The following WT1 variants were observed in gnomAD, a reference collection of about 807,000 sequenced individuals.
The protein encoded by WT1 is Wilms tumor protein.
Under a neutral mutation model 60.8 loss-of-function variants are expected in WT1, and 8 were observed. The ratio of observed to expected loss-of-function variants is 0.13; its 90% confidence interval spans 0.08 to 0.24. WT1 has a LOEUF of 0.24. Among genes scored for constraint, WT1 ranks in the 10% least tolerant of loss-of-function variants. The pLI, the probability that WT1 is intolerant of heterozygous loss-of-function variation, is 1.00. For synonymous variants in WT1, 312 were observed against 297.1 expected (o/e 1.05, Z -0.52); for missense variants, 568 against 711.8 (o/e 0.80, Z 2.30).
intron 5 of WT1, among the ~76,000 whole-genome samples, chr11:32,411,937 T>C (rs1470344163): frequency 6.6e-6 from 1 of 152,194 alleles, no homozygotes; most frequent in Non-Finnish European, 1.5e-5. Context: ...GGAAAATTAA[T>C]AACTTGTTGC....
rs556628301 is a variant in WT1 at position 32,425,497 on chromosome 11, G to A, written c.887+2459C>T. On this transcript the variant is annotated intron_variant, in intron 3 of 9. Coordinates refer to ENST00000452863, the MANE Select transcript of WT1 (RefSeq NM_024426.6). Reference sequence around the variant, plus strand: ...CAAACTTGTTTAGGAGTAGGAAAGAGGGAAACCATATAACTGTAGTAATGT... The same window carrying A: ...CAAACTTGTTTAGGAGTAGGAAAGAAGGAAACCATATAACTGTAGTAATGT... Among the ~76,000 whole-genome samples the A allele has an allele frequency of 1.3e-3, 196 of 152,328 alleles. 1 individual carries two copies. The highest frequency in any genetic ancestry group is 4.2e-3 in the African/African-American group (173 of 41,566).
intron 5 of WT1, chr11:32,400,277 T>C (rs1852115244): frequency 3.3e-6 from 2 of 604,736 alleles, no homozygotes; most frequent in Non-Finnish European, 6.0e-6. Flanking sequence ...CTCGTAGGCG[T>C]GCACCGTCAC....
chr11:32,389,516 G>C (rs533175047), intron 9 of WT1, among the ~76,000 whole-genome samples: 1 of 152,218 alleles, frequency 6.6e-6, no homozygotes, highest in African/African-American at 2.4e-5. Context: ...AATGTTTTGT[G>C]AACTGTGTAA....
intron 2 of WT1, 135 bp downstream of exon 2, chr11:32,428,362 C>T: frequency 1.4e-6 from 2 of 1,453,528 alleles, no homozygotes; most frequent in Admixed American, 3.9e-5. Context: ...AATACAGTGC[C>T]ATTGGGGTAA....
chr11:32,410,413 A>T (rs1852460017), intron 5 of WT1, among the ~76,000 whole-genome samples: 1 of 152,242 alleles, frequency 6.6e-6, no homozygotes, highest in Admixed American at 6.5e-5. Context: ...ACTCCATGAA[A>T]GCATGATCTT....
intron 5 of WT1, among the ~76,000 whole-genome samples, chr11:32,414,701 T>C (rs1468708431): frequency 6.6e-6 from 1 of 152,076 alleles, no homozygotes; most frequent in Non-Finnish European, 1.5e-5. Flanking sequence ...GGCGAAAACC[T>C]GTCTCTACCA....
intron 5 of WT1, among the ~76,000 whole-genome samples, chr11:32,403,643 C>T (rs1852223524): frequency 6.9e-6 from 1 of 145,720 alleles, no homozygotes; most frequent in South Asian, 2.2e-4. Flanking sequence ...GGCATGAAGT[C>T]AGCTCACTGC....
chr11:32,403,358 C>T (rs1196380087), intron 5 of WT1, among the ~76,000 whole-genome samples: 2 of 152,072 alleles, frequency 1.3e-5, no homozygotes, highest in African/African-American at 4.8e-5. Context: ...GGTCTGGGAA[C>T]CATAGACTAA....
intron 5 of WT1, among the ~76,000 whole-genome samples, chr11:32,408,674 G>A (rs1167899192): frequency 6.6e-6 from 1 of 151,938 alleles, no homozygotes; most frequent in African/African-American, 2.4e-5. Context: ...AAGACTGTAA[G>A]ATAAAACAAT....
intron 3 of WT1, among the ~76,000 whole-genome samples, chr11:32,420,925 T>C (rs1852834208): frequency 2.0e-5 from 3 of 152,144 alleles, no homozygotes; most frequent in Non-Finnish European, 4.4e-5. Context: ...GGAGGATGTA[T>C]GGGACAGAAG....
At chr11:32,391,549 G>A (rs1245948161) in intron 9 of WT1, among the ~76,000 whole-genome samples, 1 of 152,210 alleles carries the variant, frequency 6.6e-6, no homozygotes, top group Non-Finnish European at 1.5e-5. Context: ...ACTTTTAACA[G>A]AGCAAGGACT....
rs886048226 is a variant in WT1 at position 32,388,819 on chromosome 11, C to T, written c.*239G>A. The T allele has an allele frequency of 3.3e-5, 21 of 642,806 alleles. No homozygotes were observed. The East Asian group carries it at 6.1e-4, about 19-fold the overall frequency. 39.8% of individuals were successfully genotyped at this position (642,806 alleles called of 1,614,324 possible). A position where few individuals can be genotyped will look rare whatever the true frequency, so the allele number is the denominator to read the frequency against. Reference sequence around the variant, plus strand: ...CAAATGGCAATGGGCTTTTAACTAACCAGACATTGTTAGCTGCTTCTCCAG... The same window carrying T: ...CAAATGGCAATGGGCTTTTAACTAATCAGACATTGTTAGCTGCTTCTCCAG... On this transcript the variant is annotated 3_prime_UTR_variant, in exon 10 of 10. Transcript: ENST00000452863.
intron 4 of WT1, 159 bp downstream of exon 4, chr11:32,417,418 A>G (rs1338883703): frequency 1.5e-6 from 1 of 686,122 alleles, no homozygotes. Flanking sequence ...ACTGAACACA[A>G]CTCACCAACT....
rs1437575773 is a variant in WT1, at chr11:32,396,392, G to A, written c.1129C>T (p.Pro377Ser). The change falls in exon 7 of 10, where the codon CCT becomes TCT. Residue 377 changes from proline to serine, a missense_variant. Transcript: ENST00000452863. Reference sequence around the variant, plus strand: ...CGTACAAGAGTCGGGGCTACTCCAGGCACACGTCGCACATCCTGCAGGCAG... The same window carrying A: ...CGTACAAGAGTCGGGGCTACTCCAGACACACGTCGCACATCCTGCAGGCAG... 1 of 1,614,028 alleles carries A rather than the reference G, an allele frequency of 6.2e-7. No individual in the cohort carries two copies.
At chr11:32,396,220 C>A (rs1336944471) in intron 7 of WT1, 37 bp downstream of exon 7, 1 of 1,613,996 alleles carries the variant, frequency 6.2e-7, no homozygotes, top group Admixed American at 1.7e-5. Flanking sequence ...AGCTCTTGAA[C>A]CATGTTTGCC....
At chr11:32,400,329 G>T (rs1852117551) in intron 5 of WT1, 1 of 500,470 alleles carries the variant, frequency 2.0e-6, no homozygotes, top group South Asian at 2.0e-5. Context: ...GACCACAGTG[G>T]CAGGGTTTCA....
chr11:32,417,627 C>T lies in WT1; in HGVS notation c.915G>A (p.Gln305=), dbSNP rs1173891497. Residue 305 remains glutamine (Q), a synonymous_variant, in exon 4 of 10, where the codon CAG becomes CAA. Coordinates refer to ENST00000452863, the MANE Select transcript of WT1 (RefSeq NM_024426.6). ...TCTGATTCCAGGTCATGCATTCAAG[C>T]TGGGATGTCATTTGGTATAAATTGT... 1 of 1,613,986 alleles carries T rather than the reference C, an allele frequency of 6.2e-7. No individual in the cohort carries two copies. The highest frequency in any genetic ancestry group is 8.5e-7 in the Non-Finnish European group (1 of 1,179,966).
intron 5 of WT1, among the ~76,000 whole-genome samples, chr11:32,402,496 G>A (rs1229951535): frequency 1.3e-5 from 2 of 152,246 alleles, no homozygotes; most frequent in South Asian, 2.1e-4. Context: ...GTGAAGAGAA[G>A]CTGCCTTTGC....
intron 3 of WT1, among the ~76,000 whole-genome samples, chr11:32,427,362 A>G (rs1161243082): frequency 2.0e-5 from 3 of 152,184 alleles, no homozygotes; most frequent in Non-Finnish European, 4.4e-5. Context: ...TCACAGGAAG[A>G]AGGTCCCACG....
Sources: allele counts gnomAD v4.1 joint callset (sites outside exome capture counted in the v4.1 genomes callset), GRCh38; gene constraint gnomAD v4.1.1; transcripts MANE v1.5; gene names NCBI Gene and HGNC (gene_info 2026-07-23, HGNC 2026-07-21).